The following C22orf23 variants were observed in gnomAD, a reference collection of about 807,000 sequenced individuals.
C22orf23 encodes the protein UPF0193 protein EVG1.
C22orf23 carries 30 observed loss-of-function variants against 29.7 expected under a neutral mutation model. The observed-to-expected ratio is 1.01, with a 90% CI of 0.76 to 1.37. The LOEUF is 1.37. C22orf23 is among the 40% of genes most tolerant of loss of function. C22orf23 has a pLI of 0.00. For missense variants in C22orf23, 237 were observed against 273.1 expected, an observed-to-expected ratio of 0.87 and a Z score of 0.93; for synonymous variants, 90 against 96.1, an observed-to-expected ratio of 0.94 and a Z score of 0.37.
chr22:37,946,348 C>G (rs956249607), intron 4 of C22orf23, among the ~76,000 whole-genome samples: 5 of 151,934 alleles, frequency 3.3e-5, no homozygotes, highest in African/African-American at 1.2e-4. Context: ...ATTGCCTGAA[C>G]CCAGGAGGTG....
intron 3 of C22orf23, among the ~76,000 whole-genome samples, chr22:37,950,138 T>A (rs922941720): frequency 6.6e-6 from 1 of 151,928 alleles, no homozygotes; most frequent in Non-Finnish European, 1.5e-5. Flanking sequence ...TTTGAGACGA[T>A]GTCTTGCTCT....
At chr22:37,952,597 C>CA (rs1280664237) in intron 2 of C22orf23, 1 of 147,936 alleles carries the variant, frequency 6.8e-6, no homozygotes, top group Non-Finnish European at 1.5e-5. Flanking sequence ...TTCTGAACCC[C>CA]AGGCTCCTTA....
intron 2 of C22orf23, chr22:37,951,797 CTTTTTTTTTTT>C (rs551481283): frequency 4.0e-3 from 156 of 38,752 alleles, no homozygotes; most frequent in African/African-American, 0.012. Context: ...TCCTCTTTCT[CTTTTTTTTTTT>C]TTTTTTTTTT....
At position 37,943,941 on chromosome 22, in the gene C22orf23, G is replaced by T; in HGVS notation, c.*234C>A. 1.7e-6 allele frequency: 1 copy of T among 592,684 alleles called. No homozygotes were observed. The highest frequency in any genetic ancestry group is 3.0e-6 in the Non-Finnish European group (1 of 331,586). 36.7% of individuals were successfully genotyped at this position (592,684 alleles called of 1,614,324 possible). A position where few individuals can be genotyped will look rare whatever the true frequency, so the allele number is the denominator to read the frequency against. ...TTTAGACACATGTCCTAGTAGGGAT[G>T]CTCGGGCTTTGCTTCTCTGCGGACG... On this transcript the variant is annotated 3_prime_UTR_variant, in exon 7 of 7. Coordinates refer to ENST00000403305, the MANE Select transcript of C22orf23 (RefSeq NM_032561.5).
At chr22:37,945,017 C>A in intron 5 of C22orf23, 25 bp downstream of exon 5, 1 of 1,573,770 alleles carries the variant, frequency 6.4e-7, no homozygotes, top group Non-Finnish European at 8.6e-7. Context: ...CCACCCCCAG[C>A]ATGACTGGTC....
chr22:37,950,644 T>C (rs137991061), intron 3 of C22orf23, among the ~76,000 whole-genome samples: 9,349 of 151,660 alleles, frequency 0.062, 463 homozygotes, highest in Admixed American at 0.16. Context: ...CAGTGGCTCA[T>C]GCCTGGAATC....
At position 37,943,605 on chromosome 22, in the gene C22orf23, A is replaced by G. The variant is rs1207178216; in HGVS notation, c.*570T>C. ...ACAGCAGCCAGCCATGGGGTGCCCA[A>G]GAGGTTGGTTCCCGTTGCCACTTGA... On this transcript the variant is annotated 3_prime_UTR_variant, in exon 7 of 7. Coordinates refer to ENST00000403305, the MANE Select transcript of C22orf23 (RefSeq NM_032561.5). 1.3e-5 allele frequency: 2 copies of G among 157,638 alleles called. No individual in the cohort carries two copies. The highest frequency in any genetic ancestry group is 4.8e-5 in the African/African-American group (2 of 41,486). The allele number at this position is 157,638 out of a possible 1,614,324, so 9.8% of individuals were successfully genotyped here. A position where few individuals can be genotyped will look rare whatever the true frequency, so the allele number is the denominator to read the frequency against.
chr22:37,953,027 C>G lies in C22orf23; in HGVS notation c.103+20G>C, dbSNP rs548802051. 5.7e-6 allele frequency: 9 copies of G among 1,585,004 alleles called. No homozygotes were observed. In the South Asian group the frequency reaches 1.0e-4, roughly 18 times the overall value. ...TCCCTGGTGCCAAAAAGGCTGGGATCGCTGCTTTAACGGACTGACCTCTGA... is the reference window on the plus strand; with the variant it reads ...TCCCTGGTGCCAAAAAGGCTGGGATGGCTGCTTTAACGGACTGACCTCTGA... On this transcript the variant is annotated intron_variant, in intron 2 of 6. Transcript: ENST00000403305.
chr22:37,949,752 C>T (rs958849469), intron 3 of C22orf23, among the ~76,000 whole-genome samples: 7 of 152,052 alleles, frequency 4.6e-5, no homozygotes, highest in Non-Finnish European at 1.0e-4. Context: ...AGCCACCGCA[C>T]CTGGCTCATC....
At chr22:37,949,455 T>TG (rs201456002) in intron 3 of C22orf23, among the ~76,000 whole-genome samples, 4,708 of 140,882 alleles carry the variant, frequency 0.033, 283 homozygotes, top group African/African-American at 0.12. Flanking sequence ...GCTAATTTTT[T>TG]TTTTTTTTTT....
Position 37,944,030 on chromosome 22 carries a change from T to C in C22orf23, c.*145A>G. ...CAGGGGCTAGGCTGCTGAGTATGCC[T>C]TGGGGTACTGCAGGGCAGTGCTATG... is the stretch of plus-strand genomic sequence containing the variant. On this transcript the variant is annotated 3_prime_UTR_variant, in exon 7 of 7. Transcript: ENST00000403305. The C allele has an allele frequency of 1.3e-6, 1 of 751,136 alleles. No individual in the cohort carries two copies. Among genetic ancestry groups the C allele is most frequent in the South Asian group, 1.5e-5 (1 of 65,754 alleles). The allele number at this position is 751,136 out of a possible 1,614,324, so 46.5% of individuals were successfully genotyped here. A position where few individuals can be genotyped will look rare whatever the true frequency, so the allele number is the denominator to read the frequency against.
At chr22:37,950,033 C>G in intron 3 of C22orf23, among the ~76,000 whole-genome samples, 1 of 151,830 alleles carries the variant, frequency 6.6e-6, no homozygotes, top group East Asian at 1.9e-4. Context: ...CTCTTGGGCT[C>G]AAGCAATCCT....
Position 37,953,507 on chromosome 22 carries a change from A to T in C22orf23, c.-69T>A, listed in dbSNP as rs1261123019. 2.2e-5 allele frequency: 12 copies of T among 552,556 alleles called. No homozygotes were observed. The highest frequency in any genetic ancestry group is 3.8e-5 in the Non-Finnish European group (12 of 313,750). The allele number at this position is 552,556 out of a possible 1,614,324, so 34.2% of individuals were successfully genotyped here. ...TAGAAGTGGGCTCCCGGAGGCGGTGACCACTGCTTTACAGCCGCATCCGCA... is the reference window on the plus strand; with the variant it reads ...TAGAAGTGGGCTCCCGGAGGCGGTGTCCACTGCTTTACAGCCGCATCCGCA... On this transcript the variant is annotated 5_prime_UTR_variant, in exon 1 of 7. Coordinates refer to ENST00000403305, the MANE Select transcript of C22orf23 (RefSeq NM_032561.5).
At chr22:37,950,642 C>T (rs1930956784) in intron 3 of C22orf23, among the ~76,000 whole-genome samples, 1 of 152,082 alleles carries the variant, frequency 6.6e-6, no homozygotes, top group African/African-American at 2.4e-5. Flanking sequence ...TGCAGTGGCT[C>T]ATGCCTGGAA....
At position 37,945,083 on chromosome 22, in the gene C22orf23, C is replaced by T. The variant is rs764924637; in HGVS notation, c.440G>A (p.Arg147Gln). ...EERKRKAPPA[R>Q]QKAPAPELDR... ...TAGCTCAGGGGCTGGAGCCTTCTGTCGTGCAGGAGGGGCCTTTCTTTTCCG... is the reference window on the plus strand; with the variant it reads ...TAGCTCAGGGGCTGGAGCCTTCTGTTGTGCAGGAGGGGCCTTTCTTTTCCG... The change falls in exon 5 of 7, where the codon CGA becomes CAA. Residue 147 changes from arginine (R) to glutamine (Q), a missense_variant. By Grantham distance (43) the Arg-to-Gln change is conservative. Transcript: ENST00000403305. 54 of 1,613,376 alleles carry T rather than the reference C, an allele frequency of 3.3e-5. No individual in the cohort carries two copies. Among genetic ancestry groups the T allele is most frequent in the Admixed American group, 8.3e-5 (5 of 59,916 alleles).
At chr22:37,950,678 G>A (rs1930958867) in intron 3 of C22orf23, among the ~76,000 whole-genome samples, 2 of 151,960 alleles carry the variant, frequency 1.3e-5, no homozygotes, top group Non-Finnish European at 2.9e-5. Flanking sequence ...AGGCCGAGGC[G>A]GGCAGATCAC....
intron 4 of C22orf23, 126 bp downstream of exon 4, chr22:37,947,155 A>T: frequency 1.0e-6 from 1 of 968,024 alleles, no homozygotes; most frequent in Non-Finnish European, 1.6e-6. Context: ...GCTCAAGAGC[A>T]TTGGTACAAA....
At chr22:37,951,359 GT>G (rs1404934491) in intron 3 of C22orf23, 100 bp downstream of exon 3, 92 of 1,106,780 alleles carry the variant, frequency 8.3e-5, no homozygotes, top group South Asian at 7.3e-4. Flanking sequence ...GGCTGTCTTT[GT>G]TTTTTTTATA....
chr22:37,946,327 G>A (rs1374413697), intron 4 of C22orf23, among the ~76,000 whole-genome samples: 1 of 151,936 alleles, frequency 6.6e-6, no homozygotes, highest in Non-Finnish European at 1.5e-5. Context: ...TTGGGAGGCT[G>A]AGGCATGAGA....
Sources: allele counts gnomAD v4.1 joint callset (sites outside exome capture counted in the v4.1 genomes callset), GRCh38; gene constraint gnomAD v4.1.1; transcripts MANE v1.5; gene names NCBI Gene and HGNC (gene_info 2026-07-23, HGNC 2026-07-21).